Variants in PHLDA1 observed in about 807,000 individuals in gnomAD.
The protein encoded by PHLDA1 is pleckstrin homology-like domain family A member 1.
In PHLDA1, 28 loss-of-function variants were observed where a neutral mutation model predicts 33.8. The observed-to-expected ratio is 0.83, with a 90% confidence interval of 0.61 to 1.14. The LOEUF is 1.14. Ranked by LOEUF, PHLDA1 falls within the 50% of genes most tolerant of loss-of-function variation. PHLDA1 has a pLI of 0.00. For synonymous variants in PHLDA1, 271 were observed against 243.6 expected, an observed-to-expected ratio of 1.11 and a Z score of -1.05; for missense variants, 595 against 548.6, an observed-to-expected ratio of 1.08 and a Z score of -0.84.
exon 1 of PHLDA1, chr12:76,030,713 A>G: frequency 8.6e-7 from 1 of 1,165,344 alleles, no homozygotes; most frequent in Non-Finnish European, 1.3e-6. Context: ...GCTGGGGCTG[A>G]GGCTTGGGTT....
At position 76,031,383 on chromosome 12, in the gene PHLDA1, GGCA is replaced by G. The variant is rs746836191; in HGVS notation, c.356_358del (p.Leu119del). 2 of 1,604,556 alleles carry G rather than the reference GGCA, an allele frequency of 1.2e-6. No homozygotes were observed. Among genetic ancestry groups the G allele is most frequent in the Non-Finnish European group, 8.5e-7 (1 of 1,176,386 alleles). On this transcript the variant is annotated inframe_deletion, in exon 1 of 2. Coordinates refer to ENST00000266671, the Ensembl canonical transcript of PHLDA1. This position sits in a 1 kb window ranked among gnomAD's most constrained non-coding sequence, Gnocchi z 5.4. ...TCCGTTTCCAGCCGCGCGGGCCGGG[GGCA>G]GCAGCAGCAGCCTCGCGCCGTCCTC...
exon 2 of PHLDA1, chr12:76,027,047 T>C (rs908424548): frequency 4.6e-5 from 7 of 152,222 alleles, no homozygotes; most frequent in Non-Finnish European, 1.5e-5. Flanking sequence ...GATGGAACAT[T>C]ACTCTTAATT....
rs745775598 is a variant in PHLDA1, at chr12:76,031,142, CTGCTGCTGCTGCTGT to C, written c.585_599del (p.Gln200_Gln204del). The C allele has an allele frequency of 2.0e-6, 3 of 1,488,978 alleles. No individual in the cohort carries two copies. The highest frequency in any genetic ancestry group is 2.5e-5 in the African/African-American group (1 of 40,362). 92.2% of individuals were successfully genotyped at this position (1,488,978 alleles called of 1,614,324 possible). On this transcript the variant is annotated inframe_deletion, in exon 1 of 2. Transcript: ENST00000266671. This position sits in a 1 kb window ranked among gnomAD's most constrained non-coding sequence, Gnocchi z 5.4. ...GCCCCTGCCCGGGCTGTTGTTGCTG[CTGCTGCTGCTGCTGT>C]TGCTGCTGCTGCTGCTGGTGTTGCA... is the stretch of plus-strand genomic sequence containing the variant.
exon 2 of PHLDA1, chr12:76,026,108 G>C (rs1038545130): frequency 2.6e-5 from 4 of 152,260 alleles, no homozygotes; most frequent in South Asian, 2.1e-4. Context: ...TAGGCAAATA[G>C]GTGTATCTCT....
At position 76,031,405 on chromosome 12, in the gene PHLDA1, C is replaced by T. The variant is rs1870906486; in HGVS notation, c.337G>A (p.Gly113Ser). 1.9e-6 allele frequency: 3 copies of T among 1,582,464 alleles called. No homozygotes were observed. The change falls in exon 1 of 2, where the codon GGC (glycine) becomes AGC (serine). Residue 113 changes from glycine to serine, a missense_variant. By Grantham distance (56) the Gly-to-Ser change is moderately conservative. Transcript: ENST00000266671. The surrounding 1 kb of genome is among the most constrained non-coding windows in gnomAD (Gnocchi z 5.4). ...GGGGGCAGCAGCAGCAGCCTCGCGC[C>T]GTCCTCGCCCCAGCGGCTCCCACGG...
Position 76,031,764 on chromosome 12 carries a change from C to T in PHLDA1, c.-23G>A. ...CATTAACTTGGGGCCTTTCCAAAGCCCGCTGCGTCCACGCCCTCCAGCGTC... is the reference window on the plus strand; with the variant it reads ...CATTAACTTGGGGCCTTTCCAAAGCTCGCTGCGTCCACGCCCTCCAGCGTC... On this transcript the variant is annotated 5_prime_UTR_variant, in exon 1 of 2. Coordinates refer to ENST00000266671, the Ensembl canonical transcript of PHLDA1. The surrounding 1 kb of genome is among the most constrained non-coding windows in gnomAD (Gnocchi z 5.4). The T allele has an allele frequency of 7.4e-7, 1 of 1,344,698 alleles. No homozygotes were observed. The allele number at this position is 1,344,698 out of a possible 1,614,324, so 83.3% of individuals were successfully genotyped here.
At chr12:76,030,347 T>A in intron 1 of PHLDA1, 163 bp downstream of exon 1, 1 of 634,930 alleles carries the variant, frequency 1.6e-6, no homozygotes, top group Non-Finnish European at 2.7e-6. Context: ...TCTGCCCAGC[T>A]CTCCTGGCCC....
intron 1 of PHLDA1, 37 bp downstream of exon 1, chr12:76,030,473 G>C: frequency 1.9e-6 from 3 of 1,547,112 alleles, no homozygotes; most frequent in Non-Finnish European, 2.7e-6. Flanking sequence ...CTACCCCCGA[G>C]ACCCACTCCT....
chr12:76,029,922 GT>G (rs1870853788), exon 2 of PHLDA1: 2 of 152,860 alleles, frequency 1.3e-5, no homozygotes, highest in Non-Finnish European at 2.9e-5. Flanking sequence ...ACTCGAAATC[GT>G]TTCCTGCATC....
Position 76,031,451 on chromosome 12 carries a change from G to T in PHLDA1, c.291C>A (p.Leu97=). The change falls in exon 1 of 2, where the codon CTC becomes CTA. Residue 97 remains leucine, a synonymous_variant. Coordinates refer to ENST00000266671, the Ensembl canonical transcript of PHLDA1. The surrounding 1 kb of genome is among the most constrained non-coding windows in gnomAD (Gnocchi z 5.4). Reference sequence around the variant, plus strand: ...CACGGCCGCCTGCCCGGAGCGCGCAGAGGAGGCTAACACGCAGGAGGCAGA... The same window carrying T: ...CACGGCCGCCTGCCCGGAGCGCGCATAGGAGGCTAACACGCAGGAGGCAGA... 1 of 1,541,266 alleles carries T rather than the reference G, an allele frequency of 6.5e-7. No homozygotes were observed.
chr12:76,026,247 A>G (rs572843089), exon 2 of PHLDA1: 1 of 152,384 alleles, frequency 6.6e-6, no homozygotes, highest in Admixed American at 6.5e-5. Flanking sequence ...ACAAATGTTC[A>G]CAGTCCTATC....
chr12:76,030,923 G>T, exon 1 of PHLDA1: 2 of 1,613,956 alleles, frequency 1.2e-6, no homozygotes, highest in East Asian at 2.2e-5. Flanking sequence ...TGATCTCGGC[G>T]TTCCAGCCCT....
At chr12:76,028,835 C>T (rs556327346) in exon 2 of PHLDA1, 1 of 152,630 alleles carries the variant, frequency 6.6e-6, no homozygotes, top group Non-Finnish European at 1.5e-5. Flanking sequence ...CCAACAGACT[C>T]CTCAACAAGT....
At chr12:76,030,615 TGGTGCGGATGCG>T (rs759386580) in exon 1 of PHLDA1, 8 of 1,583,422 alleles carry the variant, frequency 5.1e-6, no homozygotes, top group Non-Finnish European at 6.9e-6. Flanking sequence ...GTGCGGTATT[TGGTGCGGATGCG>T]GGTGCGGGTG....
At chr12:76,030,748 G>T in exon 1 of PHLDA1, 1 of 1,293,916 alleles carries the variant, frequency 7.7e-7, no homozygotes, top group Non-Finnish European at 1.1e-6. Flanking sequence ...GGTTGTGATT[G>T]GGGCTGGGGT....
Position 76,031,642 on chromosome 12 carries a change from A to AC in PHLDA1, c.99dup (p.Trp34ValfsTer20), listed in dbSNP as rs773381881. 23 of 1,542,894 alleles carry AC rather than the reference A, an allele frequency of 1.5e-5. No individual in the cohort carries two copies. Among genetic ancestry groups the AC allele is most frequent in the Non-Finnish European group, 4.4e-6 (5 of 1,145,666 alleles). ...CGCTTTTGAATGGGCCATCTTCCCC[A>AC]CCCCCGAGTGACACCCAGCGGAAAA... On this transcript the variant is annotated frameshift_variant, in exon 1 of 2. Coordinates refer to ENST00000266671, the Ensembl canonical transcript of PHLDA1. LOFTEE classifies it high-confidence loss of function. The surrounding 1 kb of genome is among the most constrained non-coding windows in gnomAD (Gnocchi z 5.4).
At position 76,031,611 on chromosome 12, in the gene PHLDA1, T is replaced by C. The variant is rs1226887016; in HGVS notation, c.131A>G (p.Glu44Gly). The C allele has an allele frequency of 1.3e-6, 2 of 1,570,696 alleles. No individual in the cohort carries two copies. Among genetic ancestry groups the C allele is most frequent in the Non-Finnish European group, 1.7e-6 (2 of 1,160,744 alleles). The stretch of plus-strand genomic sequence containing the variant: ...ACTGAAGGGCACTGGCCGGGCCCCC[T>C]CGCGGCGCTTTTGAATGGGCCATCT... Residue 44 changes from glutamate (E) to glycine (G), a missense_variant, in exon 1 of 2, where the codon GAG (glutamate) becomes GGG (glycine). Around this residue, in one of 3 missense-constraint regions of PHLDA1, gnomAD observed 263 missense variants for 232.3 expected, o/e 1.13. Transcript: ENST00000266671. The surrounding 1 kb of genome is among the most constrained non-coding windows in gnomAD (Gnocchi z 5.4).
At chr12:76,030,397 T>G (rs1016664104) in intron 1 of PHLDA1, 113 bp downstream of exon 1, 2 of 772,340 alleles carry the variant, frequency 2.6e-6, no homozygotes, top group African/African-American at 1.7e-5. Context: ...AGAAACTTGG[T>G]ATGAGTTTTG....
In PHLDA1 at chr12:76,031,403, G is replaced by A. The variant is rs760631110; in HGVS notation, c.339C>T (p.Gly113=). 5.1e-6 allele frequency: 8 copies of A among 1,583,096 alleles called. No individual in the cohort carries two copies. The East Asian group carries it at 1.8e-4, about 36-fold the overall frequency. The change falls in exon 1 of 2, where the codon GGC becomes GGT. Residue 113 remains glycine (G), a synonymous_variant. Transcript: ENST00000266671. The surrounding 1 kb of genome is among the most constrained non-coding windows in gnomAD (Gnocchi z 5.4). ...CCGGGGGCAGCAGCAGCAGCCTCGC[G>A]CCGTCCTCGCCCCAGCGGCTCCCAC...
Sources: gnomAD v4.1 joint callset for allele counts on GRCh38, gnomAD v4.1.1 for gene constraint, gnomAD v4.1.1 regional missense constraint, Gnocchi (gnomAD v3.1) non-coding constraint, MANE v1.5 for transcripts, NCBI Gene and HGNC (gene_info 2026-07-23, HGNC 2026-07-21) for gene names.